NDUFS4: variants seen among roughly 807,000 people sequenced by gnomAD.
NDUFS4 encodes NADH dehydrogenase [ubiquinone] iron-sulfur protein 4, mitochondrial.
Under a neutral mutation model 24.3 loss-of-function variants are expected in NDUFS4, and 28 were observed. The ratio of observed to expected loss-of-function variants is 1.15; its 90% CI spans 0.85 to 1.58. The LOEUF (loss-of-function observed/expected upper bound fraction) is 1.58. NDUFS4 is among the 40% of genes most tolerant of loss of function. NDUFS4 has a pLI of 0.00. For missense variants in NDUFS4, 223 were observed against 207.9 expected (o/e 1.07, Z -0.45); for synonymous variants, 93 against 69.7 (o/e 1.34, Z -1.67).
At chr5:53,660,575 A>G (rs761831139) in intron 4 of NDUFS4, among the ~76,000 whole-genome samples, 7 of 152,260 alleles carry the variant, frequency 4.6e-5, no homozygotes, top group Admixed American at 2.0e-4. Context: ...GAATTGCCAC[A>G]CTGACTTCCA....
intron 2 of NDUFS4, among the ~76,000 whole-genome samples, chr5:53,622,935 T>C (rs1305780923): frequency 2.6e-5 from 4 of 152,202 alleles, no homozygotes; most frequent in Admixed American, 6.5e-5. Flanking sequence ...TTCTGTGTTA[T>C]AGCATGTGTC....
intron 2 of NDUFS4, among the ~76,000 whole-genome samples, chr5:53,607,456 A>G (rs950183036): frequency 5.3e-5 from 8 of 152,224 alleles, no homozygotes; most frequent in African/African-American, 1.7e-4. Context: ...TCTTGAATCT[A>G]AAATTAAAAA....
chr5:53,665,326 G>A (rs1200796991), intron 4 of NDUFS4, among the ~76,000 whole-genome samples: 3 of 152,190 alleles, frequency 2.0e-5, no homozygotes, highest in Non-Finnish European at 4.4e-5. Flanking sequence ...CCAGCTGCCT[G>A]CTAGGAGAAC....
At position 53,572,403 on chromosome 5, in the gene NDUFS4, A is replaced by G. The variant is rs115638296; in HGVS notation, c.98+11643A>G. Among the ~76,000 whole-genome samples the G allele has an allele frequency of 4.7e-3, 717 of 152,290 alleles. 10 individuals are homozygous for G. The highest frequency in any genetic ancestry group is 0.016 in the African/African-American group (684 of 41,568). On this transcript the variant is annotated intron_variant, in intron 1 of 4. Transcript: ENST00000296684. Reference sequence around the variant, plus strand: ...TACTTCGGCCGTTTTTCAGTATTACAAGGTGGCACATTTTGGGGTAGCATG... The same window carrying G: ...TACTTCGGCCGTTTTTCAGTATTACGAGGTGGCACATTTTGGGGTAGCATG...
chr5:53,664,433 C>T (rs1338882353), intron 4 of NDUFS4, among the ~76,000 whole-genome samples: 4 of 152,174 alleles, frequency 2.6e-5, no homozygotes, highest in African/African-American at 7.2e-5. Context: ...TGTTTTCCAA[C>T]TTGGTTCCAT....
intron 4 of NDUFS4, among the ~76,000 whole-genome samples, chr5:53,660,916 C>G (rs558598681): frequency 3.3e-5 from 5 of 151,966 alleles, no homozygotes; most frequent in Non-Finnish European, 7.4e-5. Flanking sequence ...TGTCAGATGA[C>G]CAGATTGCAA....
intron 4 of NDUFS4, among the ~76,000 whole-genome samples, chr5:53,661,485 C>G (rs1028068690): frequency 5.7e-4 from 87 of 152,240 alleles, no homozygotes; most frequent in African/African-American, 2.1e-3. Context: ...GCAATGCGGG[C>G]TCTTTTTTGG....
intron 1 of NDUFS4, among the ~76,000 whole-genome samples, chr5:53,579,598 C>T (rs1410648355): frequency 1.3e-5 from 2 of 152,158 alleles, no homozygotes; most frequent in African/African-American, 4.8e-5. Flanking sequence ...TGCCTGTAGT[C>T]CCAGCTACTT....
chr5:53,572,837 G>T (rs913883260), intron 1 of NDUFS4, among the ~76,000 whole-genome samples: 21 of 151,688 alleles, frequency 1.4e-4, no homozygotes, highest in Admixed American at 2.0e-4. Flanking sequence ...GTAGAGACGG[G>T]GTTTCACCAT....
chr5:53,597,215 A>G (rs1357678536), intron 1 of NDUFS4, among the ~76,000 whole-genome samples: 1 of 152,138 alleles, frequency 6.6e-6, no homozygotes, highest in African/African-American at 2.4e-5. Context: ...CTTTTTTACA[A>G]CTTGGTGGCT....
chr5:53,646,114 A>G, intron 2 of NDUFS4, 119 bp from the exon 3 acceptor site: 2 of 872,272 alleles, frequency 2.3e-6, no homozygotes, highest in Non-Finnish European at 3.6e-6. Context: ...AAGCCAGAAA[A>G]TTTATCTCAA....
In NDUFS4 at chr5:53,671,750, G is replaced by T. The variant is rs149780226; in HGVS notation, c.425-11368G>T. Among the ~76,000 whole-genome samples the T allele has an allele frequency of 1.2e-4, 19 of 152,278 alleles. No individual in the cohort carries two copies. In the East Asian group the frequency reaches 3.7e-3, roughly 29 times the overall value. ...TGGAGAGAGGAGGTAGAAGACAGCT[G>T]TGGAAAATTTGGATGGTGGAAGACT... On this transcript the variant is annotated intron_variant, in intron 4 of 4. Transcript: ENST00000296684.
At chr5:53,574,732 TG>T (rs1749328470) in intron 1 of NDUFS4, among the ~76,000 whole-genome samples, 1 of 152,234 alleles carries the variant, frequency 6.6e-6, no homozygotes, top group Admixed American at 6.5e-5. Flanking sequence ...AGAGGTGTTT[TG>T]TTTAATTTCC....
intron 1 of NDUFS4, among the ~76,000 whole-genome samples, chr5:53,575,847 G>A (rs1167939612): frequency 6.6e-6 from 1 of 152,058 alleles, no homozygotes; most frequent in East Asian, 1.9e-4. Flanking sequence ...TGGCCTAAAT[G>A]ATCAGATTCT....
At chr5:53,649,113 G>A (rs1028923443) in intron 3 of NDUFS4, among the ~76,000 whole-genome samples, 6 of 152,124 alleles carry the variant, frequency 3.9e-5, no homozygotes, top group Admixed American at 6.5e-5. Context: ...TCTATCTTGT[G>A]TTTGTTTTCA....
chr5:53,637,111 T>C (rs753273521), intron 2 of NDUFS4, among the ~76,000 whole-genome samples: 6 of 152,218 alleles, frequency 3.9e-5, no homozygotes, highest in Non-Finnish European at 8.8e-5. Context: ...GAGTCTCAGA[T>C]TGGATTTGTA....
chr5:53,650,097 T>G (rs1751974394), intron 3 of NDUFS4, among the ~76,000 whole-genome samples: 1 of 152,166 alleles, frequency 6.6e-6, no homozygotes, highest in Admixed American at 6.5e-5. Context: ...TGTTAATGAT[T>G]ACTGTTTTTC....
At chr5:53,670,822 A>C (rs2111572217) in intron 4 of NDUFS4, among the ~76,000 whole-genome samples, 1 of 151,596 alleles carries the variant, frequency 6.6e-6, no homozygotes, top group South Asian at 2.1e-4. Flanking sequence ...AATAATAAAG[A>C]GATACTGTAG....
At chr5:53,586,851 T>C (rs1749774319) in intron 1 of NDUFS4, among the ~76,000 whole-genome samples, 1 of 152,054 alleles carries the variant, frequency 6.6e-6, no homozygotes, top group South Asian at 2.1e-4. Flanking sequence ...GAGATGGAGT[T>C]GTACTCTTGT....
Sources: allele counts gnomAD v4.1 joint callset (sites outside exome capture counted in the v4.1 genomes callset), GRCh38; gene constraint gnomAD v4.1.1; transcripts MANE v1.5; gene names NCBI Gene and HGNC (gene_info 2026-07-23, HGNC 2026-07-21).